OSBPL9: variants seen among roughly 807,000 people sequenced by gnomAD.
OSBPL9 encodes the protein oxysterol-binding protein-related protein 9.
A neutral mutation model predicts 106.6 loss-of-function variants in OSBPL9; 40 were observed. The ratio of observed to expected loss-of-function variants is 0.38; its 90% CI spans 0.29 to 0.49. The LOEUF (loss-of-function observed/expected upper bound fraction) is 0.49, where lower values mean the gene tolerates loss of function less well. Among genes scored for constraint, OSBPL9 ranks in the 20% least tolerant of loss-of-function variants. The pLI is 0.97. For synonymous variants in OSBPL9, 269 were observed against 295.4 expected (o/e 0.91, Z 0.92); for missense variants, 609 against 887.2 (o/e 0.69, Z 3.98).
At chr1:51,627,548 T>C (rs1171227291) in intron 1 of OSBPL9, among the ~76,000 whole-genome samples, 1 of 152,248 alleles carries the variant, frequency 6.6e-6, no homozygotes, top group African/African-American at 2.4e-5. Context: ...AGCTTTGTAG[T>C]AAGTTCTGAA....
At position 51,787,531 on chromosome 1, in the gene OSBPL9, A is replaced by C. The variant is rs746917747; in HGVS notation, c.2136+43A>C. 7 of 1,610,714 alleles carry C rather than the reference A, an allele frequency of 4.3e-6. No homozygotes were observed. In the African/African-American group the frequency reaches 8.0e-5, roughly 18 times the overall value. ...ACCCTCCTAAGTGCTGTTCCTCCTA[A>C]TTTATTTCAGTGAATGTTGAAGAAG... On this transcript the variant is annotated intron_variant, in intron 23 of 23. Coordinates refer to ENST00000428468, the MANE Select transcript of OSBPL9 (RefSeq NM_024586.6).
chr1:51,786,332 A>C lies in OSBPL9; in HGVS notation c.1909-194A>C. The C allele has an allele frequency of 9.6e-6, 5 of 523,200 alleles. No individual in the cohort carries two copies. The South Asian group carries it at 1.3e-4, about 13-fold the overall frequency. The allele number at this position is 523,200 out of a possible 1,614,324, so 32.4% of individuals were successfully genotyped here. A position where few individuals can be genotyped will look rare whatever the true frequency, so the allele number is the denominator to read the frequency against. ...ATGAGTTAAGATAGACCTTTCCTTC[A>C]AAGAACTTGCACTCTGTACTACTGC... On this transcript the variant is annotated intron_variant, in intron 21 of 23. Transcript: ENST00000428468.
At chr1:51,776,996 G>T in intron 15 of OSBPL9, 78 bp downstream of exon 15, 1 of 1,094,754 alleles carries the variant, frequency 9.1e-7, no homozygotes, top group Non-Finnish European at 1.4e-6. Context: ...TTGCAGGATA[G>T]ATGGATTCCT....
At chr1:51,598,603 G>GGTGTGT (rs144426018) in intron 2 of OSBPL9, among the ~76,000 whole-genome samples, 37 of 151,192 alleles carry the variant, frequency 2.4e-4, no homozygotes, top group Non-Finnish European at 4.6e-4. Context: ...AATCTCTCCT[G>GGTGTGT]GTGTGTGTGT....
At chr1:51,692,158 T>C (rs2148828315) in intron 3 of OSBPL9, among the ~76,000 whole-genome samples, 1 of 152,094 alleles carries the variant, frequency 6.6e-6, no homozygotes, top group South Asian at 2.1e-4. Context: ...AATTTTTAAA[T>C]ATTAGCCAGG....
At chr1:51,559,181 G>A in the OSBPL9 span, among the ~76,000 whole-genome samples, 1 of 151,992 alleles carries the variant, frequency 6.6e-6, no homozygotes, top group Admixed American at 6.6e-5. Context: ...AATTGGGGCA[G>A]GGGAAGGTGA....
intron 1 of OSBPL9, among the ~76,000 whole-genome samples, chr1:51,636,411 C>T (rs947506457): frequency 3.3e-5 from 5 of 151,200 alleles, no homozygotes; most frequent in Admixed American, 6.6e-5. Flanking sequence ...TGATTCAGCT[C>T]ACTGCATCCT....
intron 1 of OSBPL9, among the ~76,000 whole-genome samples, chr1:51,646,823 T>C (rs923514580): frequency 6.6e-6 from 1 of 152,132 alleles, no homozygotes; most frequent in Non-Finnish European, 1.5e-5. Flanking sequence ...GTGTGATCCA[T>C]TGCACCCAGC....
intron 1 of OSBPL9, among the ~76,000 whole-genome samples, chr1:51,623,062 C>T (rs138706861): frequency 3.7e-4 from 56 of 152,230 alleles, no homozygotes; most frequent in East Asian, 2.7e-3. Flanking sequence ...GGCTTGAATA[C>T]TGCTGAAAGG....
chr1:51,622,797 T>A (rs1327958986), intron 1 of OSBPL9, among the ~76,000 whole-genome samples: 2 of 152,254 alleles, frequency 1.3e-5, no homozygotes, highest in Non-Finnish European at 2.9e-5. Context: ...ACTTCTGCCT[T>A]ATTCTGTTCA....
chr1:51,691,445 A>G (rs543065675), intron 3 of OSBPL9, among the ~76,000 whole-genome samples: 1 of 151,664 alleles, frequency 6.6e-6, no homozygotes, highest in South Asian at 2.1e-4. Context: ...ATGCCCGGCT[A>G]GTTTTTGTAT....
chr1:51,727,300 T>C (rs979097224), intron 4 of OSBPL9, among the ~76,000 whole-genome samples: 2 of 151,444 alleles, frequency 1.3e-5, no homozygotes, highest in Non-Finnish European at 2.9e-5. Context: ...AAAATTGATG[T>C]TTTTTTTCCC....
intron 3 of OSBPL9, among the ~76,000 whole-genome samples, chr1:51,684,253 C>G (rs1327265589): frequency 1.3e-5 from 2 of 152,136 alleles, no homozygotes; most frequent in East Asian, 3.9e-4. Flanking sequence ...AAGTGATTCT[C>G]CTACTTTGGC....
intron 1 of OSBPL9, among the ~76,000 whole-genome samples, chr1:51,579,643 A>G (rs1272431383): frequency 1.3e-5 from 2 of 151,982 alleles, no homozygotes; most frequent in Non-Finnish European, 2.9e-5. Context: ...CAAAATTTGT[A>G]CTTTCCCAGA....
chr1:51,555,527 G>T, the OSBPL9 span, among the ~76,000 whole-genome samples: 10 of 151,830 alleles, frequency 6.6e-5, no homozygotes, highest in African/African-American at 1.9e-4. Context: ...AAAGGAAAAG[G>T]TTCAACAAGA....
intron 1 of OSBPL9, among the ~76,000 whole-genome samples, chr1:51,597,704 GAGAAAA>G (rs1373796141): frequency 6.6e-6 from 1 of 152,170 alleles, no homozygotes; most frequent in Non-Finnish European, 1.5e-5. Flanking sequence ...GAGTTGGGCA[GAGAAAA>G]TGGAAGCAGC....
chr1:51,544,044 A>C, the OSBPL9 span, among the ~76,000 whole-genome samples: 12 of 152,262 alleles, frequency 7.9e-5, no homozygotes. Flanking sequence ...TGCAAGAGTG[A>C]GAATAATGAC....
intron 8 of OSBPL9, among the ~76,000 whole-genome samples, chr1:51,751,868 T>A (rs1293407067): frequency 6.6e-6 from 1 of 152,234 alleles, no homozygotes; most frequent in East Asian, 1.9e-4. Flanking sequence ...CCTGTCTGTG[T>A]TAGCCCAGCT....
chr1:51,617,333 G>C (rs1192278984), intron 1 of OSBPL9, 112 bp downstream of exon 1: 1 of 1,094,380 alleles, frequency 9.1e-7, no homozygotes, highest in African/African-American at 1.6e-5. Flanking sequence ...TGGGGGTGCC[G>C]CCGTACGCGA....
Sources: allele counts gnomAD v4.1 joint callset (sites outside exome capture counted in the v4.1 genomes callset), GRCh38; gene constraint gnomAD v4.1.1; transcripts MANE v1.5; gene names NCBI Gene and HGNC (gene_info 2026-07-23, HGNC 2026-07-21).